The following TLN2 variants were observed in gnomAD, a reference collection of about 807,000 sequenced individuals.
The protein encoded by TLN2 is talin-2.
TLN2 carries 118 observed loss-of-function variants against 294.7 expected under a neutral mutation model. The observed-to-expected ratio is 0.40, with a 90% CI of 0.34 to 0.47. The LOEUF (loss-of-function observed/expected upper bound fraction) is 0.47. Ranked by LOEUF, TLN2 falls within the 20% of genes least tolerant of loss-of-function variation. The pLI is 0.84. For missense variants in TLN2, 3,083 were observed against 3,282.2 expected (o/e 0.94, Z 1.48); for synonymous variants, 1,431 against 1,304.5 (o/e 1.10, Z -2.09).
rs562352775 is a variant in TLN2 at position 62,657,684 on chromosome 15, G to A, written c.661-87G>A. On this transcript the variant is annotated intron_variant, in intron 8 of 58. Transcript: ENST00000636159. ...TGGCACTGTCCCCTGCTCCACAGAG[G>A]GTGTACTGGGCCATGGGAATGCGTC... 19 of 1,525,468 alleles carry A rather than the reference G, an allele frequency of 1.2e-5. No individual in the cohort carries two copies. In the South Asian group the frequency reaches 2.3e-4, roughly 19 times the overall value. 94.5% of individuals were successfully genotyped at this position (1,525,468 alleles called of 1,614,324 possible).
chr15:62,782,660 C>A (rs2064281675), intron 44 of TLN2, among the ~76,000 whole-genome samples: 1 of 152,224 alleles, frequency 6.6e-6, no homozygotes, highest in African/African-American at 2.4e-5. Flanking sequence ...CGCAGTGGAG[C>A]AGCACGTGGC....
intron 45 of TLN2, among the ~76,000 whole-genome samples, chr15:62,791,273 G>A (rs1162787203): frequency 6.6e-6 from 1 of 152,088 alleles, no homozygotes; most frequent in Non-Finnish European, 1.5e-5. Flanking sequence ...GAGAATGCTT[G>A]GACCTGGGAG....
chr15:62,624,157 A>G (rs1170732485), intron 3 of TLN2, among the ~76,000 whole-genome samples: 5 of 152,174 alleles, frequency 3.3e-5, no homozygotes, highest in East Asian at 1.9e-4. Flanking sequence ...TAAATGGCCA[A>G]ATTAACTCTA....
At chr15:62,530,635 G>A (rs552315362) in intron 1 of TLN2, among the ~76,000 whole-genome samples, 1 of 151,972 alleles carries the variant, frequency 6.6e-6, no homozygotes, top group African/African-American at 2.4e-5. Context: ...GATTACAGGC[G>A]TGAGCCACCA....
chr15:62,744,049 G>A (rs992332285), intron 32 of TLN2, among the ~76,000 whole-genome samples: 3 of 152,194 alleles, frequency 2.0e-5, no homozygotes, highest in Admixed American at 1.3e-4. Flanking sequence ...GTGTACAAGA[G>A]ACCTTTGCTC....
At chr15:62,776,622 A>G (rs958989929) in intron 42 of TLN2, 142 bp from the exon 43 acceptor site, 5 of 837,894 alleles carry the variant, frequency 6.0e-6, no homozygotes, top group Admixed American at 4.3e-5. Flanking sequence ...ATGGCCAAAC[A>G]TAAAGAAAGG....
chr15:62,416,600 G>T (rs1469617260), intron 1 of TLN2, among the ~76,000 whole-genome samples: 1 of 152,222 alleles, frequency 6.6e-6, no homozygotes, highest in Non-Finnish European at 1.5e-5. Flanking sequence ...GACAGCTGAA[G>T]TTAGGCTCAT....
At chr15:62,413,942 CTTTA>C (rs1489135708) in intron 1 of TLN2, among the ~76,000 whole-genome samples, 1 of 101,468 alleles carries the variant, frequency 9.9e-6, no homozygotes, top group Non-Finnish European at 2.0e-5. Context: ...GAACCAAGCC[CTTTA>C]TTTATCTGGC....
intron 28 of TLN2, 127 bp from the exon 29 acceptor site, chr15:62,736,751 C>T (rs1328611609): frequency 9.3e-7 from 1 of 1,070,748 alleles, no homozygotes; most frequent in African/African-American, 1.6e-5. Context: ...CACAGCAATT[C>T]AAATTTTATG....
At chr15:62,403,960 G>A (rs559094388) in intron 1 of TLN2, among the ~76,000 whole-genome samples, 5 of 152,214 alleles carry the variant, frequency 3.3e-5, no homozygotes, top group Non-Finnish European at 5.9e-5. Flanking sequence ...CATCTCTGCC[G>A]CTGTATCCCC....
chr15:62,706,604 G>A (rs182866388), intron 19 of TLN2, among the ~76,000 whole-genome samples: 100 of 152,306 alleles, frequency 6.6e-4, no homozygotes, highest in African/African-American at 2.2e-3. Flanking sequence ...TTCTGATGAC[G>A]ACTTGGATCT....
chr15:62,786,520 GAAGA>G (rs1451851355), intron 45 of TLN2, among the ~76,000 whole-genome samples: 1 of 152,152 alleles, frequency 6.6e-6, no homozygotes, highest in Non-Finnish European at 1.5e-5. Context: ...AAAAAAAGAA[GAAGA>G]AAGAACTCGA....
At chr15:62,603,021 T>C (rs1410089943) in intron 2 of TLN2, among the ~76,000 whole-genome samples, 1 of 152,082 alleles carries the variant, frequency 6.6e-6, no homozygotes, top group Non-Finnish European at 1.5e-5. Context: ...GCCTCCCAAG[T>C]AGCTGGGACT....
intron 37 of TLN2, among the ~76,000 whole-genome samples, chr15:62,757,774 C>T (rs577310440): frequency 1.5e-4 from 23 of 152,182 alleles, no homozygotes; most frequent in African/African-American, 4.1e-4. Context: ...ACCCTGGGAA[C>T]GAGGAGCAAT....
intron 1 of TLN2, among the ~76,000 whole-genome samples, chr15:62,567,539 A>G (rs924919993): frequency 7.9e-5 from 12 of 152,230 alleles, no homozygotes; most frequent in Non-Finnish European, 1.6e-4. Context: ...TTGCTGAGAA[A>G]GAATGAGGGG....
In TLN2 at chr15:62,755,562, C is replaced by G; in HGVS notation, c.4507C>G (p.His1503Asp). The G allele has an allele frequency of 4.3e-6, 7 of 1,614,216 alleles. No individual in the cohort carries two copies. Among genetic ancestry groups the G allele is most frequent in the Non-Finnish European group, 5.9e-6 (7 of 1,180,010 alleles). Residue 1503 changes from histidine to aspartate, a missense_variant, in exon 37 of 59, where the codon CAC (histidine) becomes GAC (aspartate). Physicochemically the swap from His to Asp is moderately conservative, Grantham distance 81. Coordinates refer to ENST00000636159, the MANE Select transcript of TLN2 (RefSeq NM_015059.3). ...VLSAATIVAK[H>D]TSALCNACRI... is the part of the protein sequence containing the mutation. ...GTCAGCCGCCACAATTGTTGCCAAG[C>G]ACACGTCAGCCTTGTGCAATGCCTG...
At chr15:62,573,775 CTT>C (rs58692120) in intron 1 of TLN2, among the ~76,000 whole-genome samples, 7 of 145,088 alleles carry the variant, frequency 4.8e-5, no homozygotes, top group Non-Finnish European at 4.5e-5. Context: ...CTTCCTTTTT[CTT>C]TTTTTTTTTT....
At chr15:62,416,488 G>T (rs1254020407) in intron 1 of TLN2, among the ~76,000 whole-genome samples, 1 of 152,160 alleles carries the variant, frequency 6.6e-6, no homozygotes, top group Non-Finnish European at 1.5e-5. Context: ...CTTTTGTGTA[G>T]CTAAGTAGAT....
At chr15:62,548,739 G>T (rs1272589768) in intron 1 of TLN2, among the ~76,000 whole-genome samples, 2 of 152,142 alleles carry the variant, frequency 1.3e-5, no homozygotes, top group African/African-American at 4.8e-5. Context: ...TCAACCTCTG[G>T]AGCTAAGTTT....
Sources: gnomAD v4.1 joint callset for allele counts (sites outside exome capture counted in the v4.1 genomes callset) on GRCh38, gnomAD v4.1.1 for gene constraint, MANE v1.5 for transcripts, NCBI Gene and HGNC (gene_info 2026-07-23, HGNC 2026-07-21) for gene names.